The following UPF1 variants were observed in gnomAD, a reference collection of about 807,000 sequenced individuals.
The protein encoded by UPF1 is UPF1 RNA helicase and ATPase, also known as regulator of nonsense transcripts 1.
Under a neutral mutation model 129.2 loss-of-function variants are expected in UPF1, and 9 were observed. The observed-to-expected ratio is 0.07, with a 90% CI of 0.04 to 0.12. The LOEUF (loss-of-function observed/expected upper bound fraction) is 0.12, where lower values mean the gene tolerates loss of function less well. UPF1 is among the 10% of genes least tolerant of loss of function. The pLI is 1.00. For missense variants in UPF1, 788 were observed against 1,525.3 expected (o/e 0.52, Z 8.05); for synonymous variants, 649 against 644.9 (o/e 1.01, Z -0.10).
Position 18,850,750 on chromosome 19 carries a change from C to T in UPF1, c.692C>T (p.Pro231Leu). 1.2e-6 allele frequency: 2 copies of T among 1,611,598 alleles called. No individual in the cohort carries two copies. Among genetic ancestry groups the T allele is most frequent in the Non-Finnish European group, 1.7e-6 (2 of 1,179,528 alleles). Reference protein sequence around the residue: ...DINWDSSQWQPLIQDRCFLSW... With the variant: ...DINWDSSQWQLLIQDRCFLSW... Reference sequence around the variant, plus strand: ...AACTGGGACAGCTCGCAGTGGCAGCCGCTGATCCAGGACCGCTGCTTCCTG... The same window carrying T: ...AACTGGGACAGCTCGCAGTGGCAGCTGCTGATCCAGGACCGCTGCTTCCTG... Residue 231 changes from proline (P) to leucine (L), a missense_variant, in exon 5 of 24, where the codon CCG becomes CTG. By Grantham distance (98) the Pro-to-Leu change is moderately conservative (BLOSUM62 -3). Around this residue, in one of 6 missense-constraint regions of UPF1, gnomAD observed 227 missense variants for 517.9 expected, o/e 0.44. Coordinates refer to ENST00000262803, the MANE Select transcript of UPF1 (RefSeq NM_002911.4). The surrounding 1 kb of genome is among the most constrained non-coding windows in gnomAD (Gnocchi z 7.1).
At chr19:18,858,707 C>T (rs2055744742) in intron 15 of UPF1, among the ~76,000 whole-genome samples, 1 of 152,050 alleles carries the variant, frequency 6.6e-6, no homozygotes, top group Non-Finnish European at 1.5e-5. Context: ...CCCCAGGGCC[C>T]AGCTGCCTCC....
intron 3 of UPF1, 51 bp downstream of exon 3, chr19:18,847,884 T>G (rs188036994): frequency 6.4e-7 from 1 of 1,560,600 alleles, no homozygotes; most frequent in African/African-American, 1.4e-5. Context: ...TGCTCAGATT[T>G]GTGTGTAAAT....
intron 1 of UPF1, among the ~76,000 whole-genome samples, chr19:18,836,187 C>G (rs759388001): frequency 8.5e-5 from 13 of 152,210 alleles, no homozygotes; most frequent in Non-Finnish European, 1.8e-4. Context: ...TTCTCTGCTG[C>G]CACTTCTCCT....
At chr19:18,841,172 A>G (rs1284196325) in intron 1 of UPF1, among the ~76,000 whole-genome samples, 2 of 152,200 alleles carry the variant, frequency 1.3e-5, no homozygotes, top group Non-Finnish European at 2.9e-5. Context: ...TCTCTAACAT[A>G]CAAGAGCTGG....
intron 1 of UPF1, 115 bp from the exon 2 acceptor site, chr19:18,845,837 AGTGAAATCCAGTCAGAACAAGGGAAACT>A: frequency 1.5e-6 from 2 of 1,293,158 alleles, no homozygotes; most frequent in Non-Finnish European, 2.0e-6. Flanking sequence ...GCTAGAGAAG[AGTGAAATCCAGTCAGAACAAGGGAAACT>A]GTCTCAAAGC....
Position 18,852,008 on chromosome 19 carries a change from T to A in UPF1, c.811-127T>A, listed in dbSNP as rs972215663. ...GTGGGGCTGCGCCAGAACCCCTCCA[T>A]GCCACCCACCGTGGCCCATTCTGAG... On this transcript the variant is annotated intron_variant, in intron 5 of 23. Transcript: ENST00000262803. 8.1e-6 allele frequency: 11 copies of A among 1,349,924 alleles called. No individual in the cohort carries two copies. In the African/African-American group the frequency reaches 1.7e-4, roughly 20 times the overall value. The allele number at this position is 1,349,924 out of a possible 1,614,324, so 83.6% of individuals were successfully genotyped here.
rs2055653209 is a variant in UPF1, at chr19:18,851,022, C to T, written c.810+154C>T. The T allele has an allele frequency of 2.2e-6, 2 of 918,744 alleles. No homozygotes were observed. The highest frequency in any genetic ancestry group is 3.6e-5 in the Admixed American group (1 of 27,894). The allele number at this position is 918,744 out of a possible 1,614,324, so 56.9% of individuals were successfully genotyped here. On this transcript the variant is annotated intron_variant, in intron 5 of 23. Coordinates refer to ENST00000262803, the MANE Select transcript of UPF1 (RefSeq NM_002911.4). This position sits in a 1 kb window ranked among gnomAD's most constrained non-coding sequence, Gnocchi z 4.2. ...CTGCCACCTCTACGTGGAATGACCT[C>T]AGGGCACCTTGGTCACCTTCCATCC... is the stretch of plus-strand genomic sequence containing the variant.
At chr19:18,843,518 GTTT>G (rs35934501) in intron 1 of UPF1, among the ~76,000 whole-genome samples, 3 of 124,056 alleles carry the variant, frequency 2.4e-5, no homozygotes, top group Admixed American at 8.7e-5. Flanking sequence ...GACTTTCTTT[GTTT>G]TTTTTTTTTT....
intron 1 of UPF1, among the ~76,000 whole-genome samples, chr19:18,843,523 T>TTG (rs1568271750): frequency 6.8e-6 from 1 of 147,980 alleles, no homozygotes; most frequent in East Asian, 2.0e-4. Context: ...TCTTTGTTTT[T>TTG]TTTTTTTTTT....
chr19:18,866,002 C>T (rs1234935204), intron 22 of UPF1, 42 bp from the exon 23 acceptor site: 11 of 1,612,684 alleles, frequency 6.8e-6, no homozygotes, highest in South Asian at 4.4e-5. Flanking sequence ...ATGTGAGCAC[C>T]CTTGGCCTGT....
chr19:18,848,606 C>G (rs942957490), intron 3 of UPF1, among the ~76,000 whole-genome samples: 2 of 151,684 alleles, frequency 1.3e-5, no homozygotes, highest in African/African-American at 4.8e-5. Context: ...GACCAAAGCC[C>G]GGAGGCAGGC....
Position 18,855,955 on chromosome 19 carries a change from C to T in UPF1, c.1575C>T (p.Ile525=), listed in dbSNP as rs772905706. The T allele has an allele frequency of 5.0e-6, 8 of 1,613,782 alleles. No homozygotes were observed. The highest frequency in any genetic ancestry group is 2.7e-5 in the African/African-American group (2 of 74,942). ...TGCTGGTGTGTGCTCCGAGCAACAT[C>T]GCCGTGGACCAGCTAACGGAGAAGA... ...GPVLVCAPSN[I]AVDQLTEKIH... Residue 525 remains isoleucine (I), a synonymous_variant, in exon 12 of 24, where the codon ATC becomes ATT. Coordinates refer to ENST00000262803, the MANE Select transcript of UPF1 (RefSeq NM_002911.4).
intron 18 of UPF1, among the ~76,000 whole-genome samples, 164 bp downstream of exon 18, chr19:18,862,316 G>A (rs2055789208): frequency 6.6e-6 from 1 of 152,156 alleles, no homozygotes; most frequent in African/African-American, 2.4e-5. Flanking sequence ...CCGTGTCCTG[G>A]GGGTTTGCTG....
intron 15 of UPF1, chr19:18,859,491 G>T (rs1198002248): frequency 6.6e-6 from 1 of 152,226 alleles, no homozygotes; most frequent in Non-Finnish European, 1.5e-5. Context: ...ATCCACAGCA[G>T]CCCCTGGGCT....
intron 1 of UPF1, among the ~76,000 whole-genome samples, chr19:18,840,834 A>AT (rs1420584359): frequency 1.3e-5 from 2 of 152,160 alleles, no homozygotes; most frequent in Non-Finnish European, 2.9e-5. Flanking sequence ...TGTTGGTCGA[A>AT]TAGCAGCTTA....
Position 18,850,376 on chromosome 19 carries a change from G to C in UPF1, c.629+134G>C. The C allele has an allele frequency of 7.7e-7, 1 of 1,302,370 alleles. No homozygotes were observed. Among genetic ancestry groups the C allele is most frequent in the Non-Finnish European group, 1.0e-6 (1 of 967,992 alleles). The allele number at this position is 1,302,370 out of a possible 1,614,324, so 80.7% of individuals were successfully genotyped here. A position where few individuals can be genotyped will look rare whatever the true frequency, so the allele number is the denominator to read the frequency against. ...CCTCCAAAGATGGTTTTTGCTGAAG[G>C]GTGAGGCATGAGAGCGTTTAGGCGC... On this transcript the variant is annotated intron_variant, in intron 4 of 23. Coordinates refer to ENST00000262803, the MANE Select transcript of UPF1 (RefSeq NM_002911.4). The surrounding 1 kb of genome is among the most constrained non-coding windows in gnomAD (Gnocchi z 7.1).
intron 23 of UPF1, 53 bp downstream of exon 23, chr19:18,866,219 G>A (rs946521277): frequency 4.0e-6 from 6 of 1,506,898 alleles, no homozygotes; most frequent in Non-Finnish European, 5.3e-6. Flanking sequence ...GGAGAAGGAT[G>A]GGAGGGGGCT....
At chr19:18,843,997 A>G (rs1229170490) in intron 1 of UPF1, among the ~76,000 whole-genome samples, 1 of 151,922 alleles carries the variant, frequency 6.6e-6, no homozygotes, top group Non-Finnish European at 1.5e-5. Flanking sequence ...CGATCCTCCC[A>G]AAGTGTTGGG....
rs772514253 is a variant in UPF1, at chr19:18,854,718, T to C, written c.1265+9T>C. ...TCGACCTCCTTTGACAGGTACGTCT[T>C]CTCCCATCACTGCCCCCTGTTCCCT... On this transcript the variant is annotated intron_variant, in intron 9 of 23. Coordinates refer to ENST00000262803, the MANE Select transcript of UPF1 (RefSeq NM_002911.4). The C allele has an allele frequency of 1.2e-6, 2 of 1,612,788 alleles. No homozygotes were observed. The highest frequency in any genetic ancestry group is 1.7e-5 in the Admixed American group (1 of 59,994).
Sources: allele counts gnomAD v4.1 joint callset (sites outside exome capture counted in the v4.1 genomes callset), GRCh38; gene constraint gnomAD v4.1.1; regional missense constraint gnomAD v4.1.1; non-coding constraint Gnocchi (gnomAD v3.1); transcripts MANE v1.5; gene names NCBI Gene and HGNC (gene_info 2026-07-23, HGNC 2026-07-21).